HMBOX1: variants seen among roughly 807,000 people sequenced by gnomAD.
The protein encoded by HMBOX1 is homeobox-containing protein 1.
Under a neutral mutation model 54.5 loss-of-function variants are expected in HMBOX1, and 14 were observed. The observed-to-expected ratio is 0.26, with a 90% CI of 0.17 to 0.40. The LOEUF is 0.40. HMBOX1 is among the 10% of genes least tolerant of loss of function. The probability of loss-of-function intolerance (pLI) is 1.00; values close to 1 mark genes in which losing one functional copy is unlikely to be tolerated. For synonymous variants in HMBOX1, 160 were observed against 181.0 expected, an observed-to-expected ratio of 0.88 and a Z score of 0.93; for missense variants, 332 against 514.4, an observed-to-expected ratio of 0.65 and a Z score of 3.43.
intron 4 of HMBOX1, among the ~76,000 whole-genome samples, chr8:29,001,733 A>G (rs1832703832): frequency 6.6e-6 from 1 of 152,236 alleles, no homozygotes; most frequent in Non-Finnish European, 1.5e-5. Flanking sequence ...ATTGAACTAT[A>G]TACTTAAAAT....
intron 1 of HMBOX1, among the ~76,000 whole-genome samples, chr8:28,951,503 C>T (rs1341342472): frequency 6.6e-6 from 1 of 152,060 alleles, no homozygotes; most frequent in African/African-American, 2.4e-5. Flanking sequence ...AGTAGCAATG[C>T]CTGCTTAGAG....
intron 1 of HMBOX1, among the ~76,000 whole-genome samples, chr8:28,933,669 G>A (rs907663831): frequency 5.9e-5 from 9 of 152,090 alleles, no homozygotes; most frequent in East Asian, 1.9e-4. Context: ...TATTATGAAC[G>A]ACTTTATTCC....
rs148086926 is a variant in HMBOX1, at chr8:29,013,362, C to T, written c.697+4180C>T. Among the ~76,000 whole-genome samples, 397 of 152,310 alleles carry T rather than the reference C, an allele frequency of 2.6e-3. 5 individuals are homozygous for T. The highest frequency in any genetic ancestry group is 9.1e-3 in the African/African-American group (379 of 41,560). ...TGTTGGCCAGGCTGGTCTTGAACTCCTGACCTCGTGATCCACCCACCTCGG... is the reference window on the plus strand; with the variant it reads ...TGTTGGCCAGGCTGGTCTTGAACTCTTGACCTCGTGATCCACCCACCTCGG... On this transcript the variant is annotated intron_variant, in intron 5 of 9. Coordinates refer to ENST00000287701, the MANE Select transcript of HMBOX1 (RefSeq NM_001135726.3).
intron 5 of HMBOX1, chr8:29,009,718 G>A: frequency 3.1e-6 from 4 of 1,287,878 alleles, no homozygotes; most frequent in South Asian, 1.2e-5. Flanking sequence ...AGGAGCAGCA[G>A]TAGATTGGGA....
intron 1 of HMBOX1, among the ~76,000 whole-genome samples, chr8:28,906,458 CTTACA>C (rs537592925): frequency 6.6e-6 from 1 of 152,120 alleles, no homozygotes. Flanking sequence ...GTGTGGTTAT[CTTACA>C]TTACATTTAT....
chr8:28,930,080 A>C (rs1819224699), intron 1 of HMBOX1, among the ~76,000 whole-genome samples: 1 of 152,084 alleles, frequency 6.6e-6, no homozygotes, highest in Non-Finnish European at 1.5e-5. Context: ...GATGGTGGGC[A>C]TAGAAGACTG....
Position 28,996,502 on chromosome 8 carries a change from C to G in HMBOX1, c.587-12570C>G, listed in dbSNP as rs1042713592. 2.0e-5 allele frequency among the ~76,000 whole-genome samples: 3 copies of G among 152,024 alleles called. No individual in the cohort carries two copies. The East Asian group carries it at 5.8e-4, about 29-fold the overall frequency. On this transcript the variant is annotated intron_variant, in intron 4 of 9. Coordinates refer to ENST00000287701, the MANE Select transcript of HMBOX1 (RefSeq NM_001135726.3). ...GGTGTGGTGGCGCATGTCTGTAATC[C>G]CAGCTATTTGGGAGGCTGAGGAAGG... is the stretch of plus-strand genomic sequence containing the variant.
chr8:28,896,940 A>G (rs949253245), intron 1 of HMBOX1, among the ~76,000 whole-genome samples: 7 of 142,716 alleles, frequency 4.9e-5, no homozygotes, highest in African/African-American at 1.3e-4. Flanking sequence ...AAACATACCA[A>G]TTTTTTTTTT....
Position 29,009,163 on chromosome 8 carries a change from A to G in HMBOX1, c.678A>G (p.Gln226=). 1 of 1,612,272 alleles carries G rather than the reference A, an allele frequency of 6.2e-7. No homozygotes were observed. Among genetic ancestry groups the G allele is most frequent in the Non-Finnish European group, 8.5e-7 (1 of 1,178,370 alleles). The change falls in exon 5 of 10, where the codon CAA becomes CAG. Residue 226 remains glutamine, a synonymous_variant. Transcript: ENST00000287701. ...QKKRAFYRWY[Q]LEKTNPGATL... Reference sequence around the variant, plus strand: ...AAAGAGCATTTTACCGATGGTATCAACTTGAGAAGACAAACCCTGGTAAAT... The same window carrying G: ...AAAGAGCATTTTACCGATGGTATCAGCTTGAGAAGACAAACCCTGGTAAAT...
chr8:28,907,433 T>C (rs2131626634), intron 1 of HMBOX1, among the ~76,000 whole-genome samples: 2 of 152,364 alleles, frequency 1.3e-5, no homozygotes, highest in Admixed American at 1.3e-4. Context: ...TACTGCTAAT[T>C]TGTGTTGGAC....
At chr8:29,049,605 G>C (rs754175115) in intron 9 of HMBOX1, 3 of 546,806 alleles carry the variant, frequency 5.5e-6, no homozygotes, top group Non-Finnish European at 9.1e-6. Flanking sequence ...TGCAATACCT[G>C]CATGACTCTT....
chr8:29,022,699 G>A (rs962263791), intron 6 of HMBOX1, among the ~76,000 whole-genome samples: 3 of 152,064 alleles, frequency 2.0e-5, no homozygotes, highest in African/African-American at 7.2e-5. Context: ...TGTCATTTAT[G>A]TATTTGCTTA....
intron 1 of HMBOX1, among the ~76,000 whole-genome samples, chr8:28,932,795 C>T (rs945437064): frequency 2.6e-5 from 4 of 152,184 alleles, no homozygotes; most frequent in African/African-American, 7.2e-5. Flanking sequence ...AGAGGTGTGG[C>T]TAGGCTAGAA....
intron 1 of HMBOX1, chr8:28,891,657 G>A (rs1188440848): frequency 6.6e-6 from 1 of 152,304 alleles, no homozygotes; most frequent in Non-Finnish European, 1.5e-5. Context: ...TTCGTAGCAG[G>A]AGGAACTGTT....
chr8:29,038,730 A>G (rs1451904181), intron 6 of HMBOX1, among the ~76,000 whole-genome samples: 1 of 152,124 alleles, frequency 6.6e-6, no homozygotes, highest in African/African-American at 2.4e-5. Flanking sequence ...CTCCACAGCC[A>G]TCATCACAGC....
chr8:28,956,241 A>T (rs2132183055), intron 1 of HMBOX1, among the ~76,000 whole-genome samples: 1 of 152,038 alleles, frequency 6.6e-6, no homozygotes, highest in East Asian at 1.9e-4. Flanking sequence ...AGTGCATTTG[A>T]GTATTTTTTG....
intron 1 of HMBOX1, among the ~76,000 whole-genome samples, chr8:28,935,574 G>T (rs1051062901): frequency 6.6e-6 from 1 of 152,124 alleles, no homozygotes; most frequent in African/African-American, 2.4e-5. Flanking sequence ...AACCTAAGAG[G>T]TGGAAGGATA....
At chr8:29,028,408 GT>G (rs1802405352) in intron 6 of HMBOX1, among the ~76,000 whole-genome samples, 1 of 152,186 alleles carries the variant, frequency 6.6e-6, no homozygotes, top group African/African-American at 2.4e-5. Context: ...AAATCAGCTT[GT>G]AAAGCGATTT....
chr8:28,938,058 ATACTAGAGTTCT>A (rs1398177258), intron 1 of HMBOX1, among the ~76,000 whole-genome samples: 2 of 152,178 alleles, frequency 1.3e-5, no homozygotes, highest in East Asian at 3.9e-4. Flanking sequence ...TCAATTTGTC[ATACTAGAGTTCT>A]TATATGTCTG....
Sources: gnomAD v4.1 joint callset for allele counts (sites outside exome capture counted in the v4.1 genomes callset) on GRCh38, gnomAD v4.1.1 for gene constraint, MANE v1.5 for transcripts, NCBI Gene and HGNC (gene_info 2026-07-23, HGNC 2026-07-21) for gene names.